Variants in ZMYND12 observed in about 807,000 individuals in gnomAD.
The protein encoded by ZMYND12 is zinc finger MYND domain-containing protein 12.
A neutral mutation model predicts 41.7 loss-of-function variants in ZMYND12; 32 were observed. The ratio of observed to expected loss-of-function variants is 0.77; its 90% CI spans 0.58 to 1.03. The LOEUF (loss-of-function observed/expected upper bound fraction) is 1.03, where lower values mean the gene tolerates loss of function less well. Among genes scored for constraint, ZMYND12 ranks in the 50% least tolerant of loss-of-function variants. The probability of loss-of-function intolerance (pLI) is 0.00; values close to 1 mark genes in which losing one functional copy is unlikely to be tolerated. For synonymous variants in ZMYND12, 148 were observed against 164.8 expected (o/e 0.90, Z 0.78); for missense variants, 424 against 438.5 (o/e 0.97, Z 0.30).
chr1:42,451,593 T>C (rs1029415534), intron 1 of ZMYND12, among the ~76,000 whole-genome samples: 2 of 152,184 alleles, frequency 1.3e-5, no homozygotes, highest in African/African-American at 4.8e-5. Flanking sequence ...AGACAATATA[T>C]AGCCATGTTC....
At chr1:42,450,832 T>C (rs1393155518) in intron 1 of ZMYND12, among the ~76,000 whole-genome samples, 1 of 152,232 alleles carries the variant, frequency 6.6e-6, no homozygotes, top group African/African-American at 2.4e-5. Flanking sequence ...TCCTTTGTAA[T>C]TTCTTCTGTG....
chr1:42,448,596 G>A lies in ZMYND12; in HGVS notation c.295C>T (p.Leu99Phe). ...EFCYTIAQKY[L>F]FEGKHEDAVP... ...GCATCTTCGTGTTTCCCTTCAAAGA[G>A]GTATTTCTGGGCTATGGTGTAGCAG... The change falls in exon 3 of 8, where the codon CTC (leucine) becomes TTC (phenylalanine). Residue 99 changes from leucine (L) to phenylalanine (F), a missense_variant. Coordinates refer to ENST00000372565, the MANE Select transcript of ZMYND12 (RefSeq NM_032257.5). 11 of 1,613,396 alleles carry A rather than the reference G, an allele frequency of 6.8e-6. No individual in the cohort carries two copies. Among genetic ancestry groups the A allele is most frequent in the Admixed American group, 1.7e-5 (1 of 59,916 alleles).
chr1:42,452,459 T>C (rs1247458599), intron 1 of ZMYND12, among the ~76,000 whole-genome samples: 1 of 152,176 alleles, frequency 6.6e-6, no homozygotes, highest in Admixed American at 6.5e-5. Flanking sequence ...TCCCAGCACT[T>C]TGGGAGGCCG....
Position 42,455,948 on chromosome 1 carries a change from C to T in ZMYND12, c.50G>A (p.Cys17Tyr), listed in dbSNP as rs1643168611. Residue 17 changes from cysteine (C) to tyrosine (Y), a missense_variant, in exon 1 of 8, where the codon TGT becomes TAT. Coordinates refer to ENST00000372565, the MANE Select transcript of ZMYND12 (RefSeq NM_032257.5). The part of the protein sequence containing the change: ...LAVPKGRRLC[C>Y]EVCEAPAERV... ...CTCGGCTGGGGCTTCGCACACCTCACAGCAGAGTCTGCGCCCCTTGGGGAC... is the reference window on the plus strand; with the variant it reads ...CTCGGCTGGGGCTTCGCACACCTCATAGCAGAGTCTGCGCCCCTTGGGGAC... 6.2e-7 allele frequency: 1 copy of T among 1,613,782 alleles called. No individual in the cohort carries two copies. The highest frequency in any genetic ancestry group is 8.5e-7 in the Non-Finnish European group (1 of 1,180,006).
chr1:42,439,280 T>TC (rs1264901045), intron 4 of ZMYND12, among the ~76,000 whole-genome samples: 3 of 151,894 alleles, frequency 2.0e-5, no homozygotes, highest in African/African-American at 7.3e-5. Flanking sequence ...TCTTTTTTTT[T>TC]TTTTGAGACG....
chr1:42,443,557 G>T (rs1029524650), intron 3 of ZMYND12, among the ~76,000 whole-genome samples: 1 of 152,160 alleles, frequency 6.6e-6, no homozygotes, highest in African/African-American at 2.4e-5. Context: ...GCAGCATACA[G>T]CAGTCACAGC....
At chr1:42,441,318 T>C (rs1642965715) in intron 3 of ZMYND12, among the ~76,000 whole-genome samples, 1 of 152,166 alleles carries the variant, frequency 6.6e-6, no homozygotes. Context: ...CATAGAAATA[T>C]GAAATAATAT....
At chr1:42,435,446 A>T in intron 5 of ZMYND12, 61 bp from the exon 6 acceptor site, 3 of 1,282,872 alleles carry the variant, frequency 2.3e-6, no homozygotes, top group East Asian at 4.7e-5. Flanking sequence ...CGGACCAGGC[A>T]GGTGAGGAGA....
rs1642948946 is a variant in ZMYND12 at position 42,439,794 on chromosome 1, A to G, written c.594+62T>C. On this transcript the variant is annotated intron_variant, in intron 4 of 7. Transcript: ENST00000372565. Reference sequence around the variant, plus strand: ...TAAAAAAATTAAACAGATTTTGGAAATATACAGGTGTTATAATTTAGATTT... The same window carrying G: ...TAAAAAAATTAAACAGATTTTGGAAGTATACAGGTGTTATAATTTAGATTT... 8 of 1,466,924 alleles carry G rather than the reference A, an allele frequency of 5.5e-6. 1 individual carries two copies. In the South Asian group the frequency reaches 1.1e-4, roughly 21 times the overall value. 90.9% of individuals were successfully genotyped at this position (1,466,924 alleles called of 1,614,324 possible).
intron 1 of ZMYND12, among the ~76,000 whole-genome samples, chr1:42,451,778 C>G (rs551148794): frequency 1.3e-5 from 2 of 152,178 alleles, no homozygotes; most frequent in Non-Finnish European, 2.9e-5. Flanking sequence ...CAGGATATAG[C>G]TGAGTTCCAC....
At chr1:42,432,958 T>C in intron 7 of ZMYND12, 185 bp downstream of exon 7, 1 of 661,338 alleles carries the variant, frequency 1.5e-6, no homozygotes, top group Non-Finnish European at 2.4e-6. Context: ...AAGAAGACAA[T>C]CCAATTTCCA....
chr1:42,431,747 A>G (rs536723633), intron 7 of ZMYND12, among the ~76,000 whole-genome samples: 1 of 152,314 alleles, frequency 6.6e-6, no homozygotes, highest in Admixed American at 6.5e-5. Flanking sequence ...TTCAGTGGAA[A>G]TATTTTCCTA....
chr1:42,430,397 T>A lies in ZMYND12; in HGVS notation c.*339A>T. 4.9e-6 allele frequency: 1 copy of A among 202,728 alleles called. No individual in the cohort carries two copies. The allele number at this position is 202,728 out of a possible 1,614,324, so 12.6% of individuals were successfully genotyped here. ...TCCTTTAGCAAAAGTGTATGAAACATGCATCGTTGGAAGACTTCTGGGAAA... is the reference window on the plus strand; with the variant it reads ...TCCTTTAGCAAAAGTGTATGAAACAAGCATCGTTGGAAGACTTCTGGGAAA... On this transcript the variant is annotated 3_prime_UTR_variant, in exon 8 of 8. Transcript: ENST00000372565.
At chr1:42,445,679 A>G (rs1643016506) in intron 3 of ZMYND12, among the ~76,000 whole-genome samples, 1 of 152,156 alleles carries the variant, frequency 6.6e-6, no homozygotes, top group African/African-American at 2.4e-5. Context: ...AAAATAATTC[A>G]AGAGAGACAA....
chr1:42,436,612 T>C, intron 4 of ZMYND12, 69 bp from the exon 5 acceptor site: 2 of 1,551,470 alleles, frequency 1.3e-6, no homozygotes, highest in Non-Finnish European at 1.8e-6. Flanking sequence ...AAAGGACTTG[T>C]ATCTAGAATA....
chr1:42,442,021 G>C (rs1315170868), intron 3 of ZMYND12, among the ~76,000 whole-genome samples: 1 of 152,172 alleles, frequency 6.6e-6, no homozygotes, highest in Non-Finnish European at 1.5e-5. Flanking sequence ...TACAAATATG[G>C]AGGGTGTAGG....
intron 2 of ZMYND12, 88 bp from the exon 3 acceptor site, chr1:42,448,726 C>A: frequency 7.5e-7 from 1 of 1,327,434 alleles, no homozygotes; most frequent in Non-Finnish European, 1.0e-6. Context: ...AGGCCAACAC[C>A]TAATGACCCA....
chr1:42,453,182 CAT>C (rs1400065485), intron 1 of ZMYND12, among the ~76,000 whole-genome samples: 1 of 151,602 alleles, frequency 6.6e-6, no homozygotes, highest in African/African-American at 2.4e-5. Flanking sequence ...GACCCAAAGA[CAT>C]AGAAATCTGG....
intron 5 of ZMYND12, 32 bp downstream of exon 5, chr1:42,436,387 AGT>A (rs781662841): frequency 1.8e-5 from 29 of 1,611,096 alleles, no homozygotes; most frequent in Non-Finnish European, 2.4e-5. Context: ...CAAGCCTAAG[AGT>A]GAAGGCTCAG....
Sources: gnomAD v4.1 joint callset for allele counts (sites outside exome capture counted in the v4.1 genomes callset) on GRCh38, gnomAD v4.1.1 for gene constraint, MANE v1.5 for transcripts, NCBI Gene and HGNC (gene_info 2026-07-23, HGNC 2026-07-21) for gene names.